EPAS1: variants seen among roughly 807,000 people sequenced by gnomAD.
The protein encoded by EPAS1 is endothelial PAS domain-containing protein 1.
Under a neutral mutation model 87.9 loss-of-function variants are expected in EPAS1, and 23 were observed. The observed-to-expected ratio is 0.26, with a 90% CI of 0.19 to 0.37. The LOEUF is 0.37. Ranked by LOEUF, EPAS1 falls within the 10% of genes least tolerant of loss-of-function variation. The probability of loss-of-function intolerance (pLI) is 1.00; values close to 1 mark genes in which losing one functional copy is unlikely to be tolerated. For missense variants in EPAS1, 1,138 were observed against 1,120.7 expected, an observed-to-expected ratio of 1.02 and a Z score of -0.22; for synonymous variants, 508 against 444.3, an observed-to-expected ratio of 1.14 and a Z score of -1.80.
In EPAS1 at chr2:46,346,923, G is replaced by A. The variant is rs1684040937; in HGVS notation, c.77G>A (p.Arg26Gln). Residue 26 changes from arginine (R) to glutamine (Q), a missense_variant, in exon 2 of 16, where the codon CGG becomes CAG. Coordinates refer to ENST00000263734, the MANE Select transcript of EPAS1 (RefSeq NM_001430.5). The surrounding 1 kb of genome is among the most constrained non-coding windows in gnomAD (Gnocchi z 4.0). ...KEKSRDAARC[R>Q]RSKETEVFYE... ...AAGTCCCGGGATGCTGCGCGGTGCC[G>A]GCGGAGCAAGGAGACGGAGGTGTTC... 1.9e-6 allele frequency: 3 copies of A among 1,614,086 alleles called. No homozygotes were observed. The highest frequency in any genetic ancestry group is 2.5e-6 in the Non-Finnish European group (3 of 1,180,052).
intron 9 of EPAS1, among the ~76,000 whole-genome samples, chr2:46,377,082 C>T (rs1355912172): frequency 2.0e-5 from 3 of 152,150 alleles, no homozygotes; most frequent in South Asian, 2.1e-4. Context: ...GGATCTGCTC[C>T]GAGGCCACTT....
At chr2:46,377,464 C>T (rs947039600) in intron 9 of EPAS1, among the ~76,000 whole-genome samples, 17 of 152,182 alleles carry the variant, frequency 1.1e-4, no homozygotes, top group Admixed American at 3.3e-4. Flanking sequence ...GGTTCTACAG[C>T]GGCCACGTGA....
intron 1 of EPAS1, among the ~76,000 whole-genome samples, chr2:46,340,209 C>T (rs766016396): frequency 1.3e-5 from 2 of 152,078 alleles, no homozygotes; most frequent in Non-Finnish European, 2.9e-5. Context: ...TTCTACAAGG[C>T]TGCCTGGGGC....
At position 46,369,926 on chromosome 2, in the gene EPAS1, C is replaced by T. The variant is rs1420496838; in HGVS notation, c.879C>T (p.His293=). ...ALDSENMTKS[H]QNLCTKGQVV... The stretch of plus-strand genomic sequence containing the variant: ...ACTCCGAGAACATGACCAAGAGTCA[C>T]CAGAACTGTGAGTTCCAGGAGTGCC... The change falls in exon 7 of 16, where the codon CAC becomes CAT. Residue 293 remains histidine (H), a synonymous_variant. Coordinates refer to ENST00000263734, the MANE Select transcript of EPAS1 (RefSeq NM_001430.5). The T allele has an allele frequency of 2.3e-5, 37 of 1,609,340 alleles. No homozygotes were observed. The highest frequency in any genetic ancestry group is 3.1e-5 in the Non-Finnish European group (37 of 1,177,410).
intron 6 of EPAS1, among the ~76,000 whole-genome samples, chr2:46,364,470 C>A (rs1051538314): frequency 1.3e-5 from 2 of 152,142 alleles, no homozygotes; most frequent in African/African-American, 4.8e-5. Flanking sequence ...TTACATTGAA[C>A]TCTCAGGTCA....
At position 46,371,577 on chromosome 2, in the gene EPAS1, C is replaced by T. The variant is rs1684628180; in HGVS notation, c.886+1644C>T. ...TACTCTTTTATGCCTGTGAATGTGA[C>T]CCCACCTTAGCCTGCCCAAGCTTTG... On this transcript the variant is annotated intron_variant, in intron 7 of 15. Coordinates refer to ENST00000263734, the MANE Select transcript of EPAS1 (RefSeq NM_001430.5). The surrounding 1 kb of genome is among the most constrained non-coding windows in gnomAD (Gnocchi z 4.3). Among the ~76,000 whole-genome samples the T allele has an allele frequency of 6.6e-6, 1 of 152,134 alleles. No individual in the cohort carries two copies. The highest frequency in any genetic ancestry group is 6.5e-5 in the Admixed American group (1 of 15,282).
intron 1 of EPAS1, among the ~76,000 whole-genome samples, chr2:46,333,456 C>T (rs542985319): frequency 6.7e-6 from 1 of 150,266 alleles, no homozygotes; most frequent in Admixed American, 6.6e-5. Flanking sequence ...CGGTAAGATG[C>T]TCAGAAAAGC....
chr2:46,298,951 C>T (rs1682940853), intron 1 of EPAS1, among the ~76,000 whole-genome samples: 1 of 152,228 alleles, frequency 6.6e-6, no homozygotes, highest in African/African-American at 2.4e-5. Flanking sequence ...CTTCCAGCCC[C>T]GCGCTTGGCC....
chr2:46,362,537 AGC>A (rs1336673650), intron 6 of EPAS1, among the ~76,000 whole-genome samples: 2 of 152,188 alleles, frequency 1.3e-5, no homozygotes, highest in Non-Finnish European at 2.9e-5. Context: ...TTCCTCAGCT[AGC>A]AGGAAACCAT....
intron 1 of EPAS1, among the ~76,000 whole-genome samples, chr2:46,310,381 G>T (rs933486011): frequency 2.7e-4 from 41 of 152,280 alleles, no homozygotes; most frequent in African/African-American, 9.6e-4. Flanking sequence ...CCCACTATCT[G>T]TAGGGCATGA....
At chr2:46,320,072 C>G (rs1379185666) in intron 1 of EPAS1, among the ~76,000 whole-genome samples, 1 of 152,220 alleles carries the variant, frequency 6.6e-6, no homozygotes, top group Non-Finnish European at 1.5e-5. Flanking sequence ...ATTACAGTCT[C>G]TCCTTCAATT....
Position 46,356,767 on chromosome 2 carries a change from G to A in EPAS1, c.413G>A (p.Cys138Tyr), listed in dbSNP as rs757004008. Residue 138 changes from cysteine (C) to tyrosine (Y), a missense_variant, in exon 4 of 16, where the codon TGC (cysteine) becomes TAC (tyrosine). This residue lies in a region of EPAS1 where 351 missense variants were observed against 417.1 expected (regional missense o/e 0.84). Transcript: ENST00000263734. Reference sequence around the variant, plus strand: ...AGTATCTTTGACTTCACTCATCCCTGCGACCATGAGGAGATTCGTGAGAAC... The same window carrying A: ...AGTATCTTTGACTTCACTCATCCCTACGACCATGAGGAGATTCGTGAGAAC... ...GHSIFDFTHP[C>Y]DHEEIRENLS... 3 of 1,614,080 alleles carry A rather than the reference G, an allele frequency of 1.9e-6. No individual in the cohort carries two copies. Among genetic ancestry groups the A allele is most frequent in the African/African-American group, 1.3e-5 (1 of 75,038 alleles).
chr2:46,351,879 C>T (rs1179414966), intron 2 of EPAS1, among the ~76,000 whole-genome samples: 1 of 152,192 alleles, frequency 6.6e-6, no homozygotes, highest in African/African-American at 2.4e-5. Context: ...TGCTCTCTCC[C>T]AATGCACAGC....
At chr2:46,344,299 C>T (rs556670790) in intron 1 of EPAS1, among the ~76,000 whole-genome samples, 3 of 152,290 alleles carry the variant, frequency 2.0e-5, no homozygotes, top group African/African-American at 7.2e-5. Context: ...GAGGAAGGGG[C>T]CAATGGCAGA....
chr2:46,326,170 A>C (rs899950906), intron 1 of EPAS1, among the ~76,000 whole-genome samples: 4 of 152,148 alleles, frequency 2.6e-5, no homozygotes, highest in African/African-American at 9.7e-5. Context: ...AAACACTAGA[A>C]TCTTGTAGTT....
At chr2:46,332,332 G>A (rs72618618) in intron 1 of EPAS1, among the ~76,000 whole-genome samples, 6,074 of 142,124 alleles carry the variant, frequency 0.043, 190 homozygotes, top group African/African-American at 0.051. Context: ...GTGTGTGTGT[G>A]TATCAACTTG....
chr2:46,339,936 C>T (rs1338843827), intron 1 of EPAS1, among the ~76,000 whole-genome samples: 13 of 152,212 alleles, frequency 8.5e-5, no homozygotes, highest in Admixed American at 4.6e-4. Context: ...CACCTCCCAA[C>T]GGTTCCACCT....
In EPAS1 at chr2:46,382,019, G is replaced by A; in HGVS notation, c.2217G>A (p.Arg739=). 4.3e-6 allele frequency: 7 copies of A among 1,614,104 alleles called. No homozygotes were observed. The highest frequency in any genetic ancestry group is 5.9e-6 in the Non-Finnish European group (7 of 1,180,012). The change falls in exon 14 of 16, where the codon CGG becomes CGA. Residue 739 remains arginine, a synonymous_variant. Transcript: ENST00000263734. The part of the protein sequence containing the change: ...GGSTSHLMWK[R]MKNLRGGSCP... ...GCACCTCACATTTGATGTGGAAACGGATGAAGAACCTCAGGGGTGGGAGCT... is the reference window on the plus strand; with the variant it reads ...GCACCTCACATTTGATGTGGAAACGAATGAAGAACCTCAGGGGTGGGAGCT...
intron 1 of EPAS1, among the ~76,000 whole-genome samples, chr2:46,301,867 C>A (rs1683007588): frequency 6.7e-6 from 1 of 150,304 alleles, no homozygotes; most frequent in African/African-American, 2.4e-5. Context: ...GATGCTGTTC[C>A]CAGTGTCTGT....
Sources: allele counts gnomAD v4.1 joint callset (sites outside exome capture counted in the v4.1 genomes callset), GRCh38; gene constraint gnomAD v4.1.1; regional missense constraint gnomAD v4.1.1; non-coding constraint Gnocchi (gnomAD v3.1); transcripts MANE v1.5; gene names NCBI Gene and HGNC (gene_info 2026-07-23, HGNC 2026-07-21).